Variants in PKMYT1 observed in about 807,000 individuals in gnomAD.
PKMYT1 encodes protein kinase, membrane associated tyrosine/threonine 1.
In PKMYT1, 35 loss-of-function variants were observed where a neutral mutation model predicts 49.7. The observed-to-expected ratio is 0.70, with a 90% CI of 0.54 to 0.93. The LOEUF (loss-of-function observed/expected upper bound fraction) is 0.93, where lower values mean the gene tolerates loss of function less well. PKMYT1 is among the 40% of genes least tolerant of loss of function. The probability of loss-of-function intolerance (pLI) is 0.00; values close to 1 mark genes in which losing one functional copy is unlikely to be tolerated. For missense variants in PKMYT1, 677 were observed against 673.1 expected (o/e 1.01, Z -0.06); for synonymous variants, 331 against 287.6 (o/e 1.15, Z -1.53).
intron 7 of PKMYT1, chr16:2,973,675 A>C (rs2151069180): frequency 2.2e-6 from 1 of 448,122 alleles, no homozygotes; most frequent in African/African-American, 2.0e-5. Flanking sequence ...GGCTCCCCAG[A>C]CTCCAGAGGC....
In PKMYT1 at chr16:2,979,766, GCAGCTTCCGGGGC is replaced by G; in HGVS notation, c.-122_-110del. 5 of 1,382,104 alleles carry G rather than the reference GCAGCTTCCGGGGC, an allele frequency of 3.6e-6. No homozygotes were observed. Among genetic ancestry groups the G allele is most frequent in the Non-Finnish European group, 5.1e-6 (5 of 984,890 alleles). The allele number at this position is 1,382,104 out of a possible 1,614,324, so 85.6% of individuals were successfully genotyped here. ...CTAAGGCCAGGCGGGGGTGACCTCC[GCAGCTTCCGGGGC>G]CCTGGGCGATCGGGCCGTCTCGCCT... On this transcript the variant is annotated 5_prime_UTR_variant, in exon 2 of 9. Coordinates refer to ENST00000262300, the MANE Select transcript of PKMYT1 (RefSeq NM_004203.5).
Position 2,979,541 on chromosome 16 carries a change from G to A in PKMYT1, c.10+107C>T. On this transcript the variant is annotated intron_variant, in intron 2 of 8. Transcript: ENST00000262300. ...GGAGCCAGGGTGTTGGGATCCTGGA[G>A]GTCACTGGTCACAAGCACAGCCTCC... is the stretch of plus-strand genomic sequence containing the variant. 3.4e-6 allele frequency: 3 copies of A among 876,548 alleles called. No homozygotes were observed. The Admixed American group carries it at 5.2e-5, about 15-fold the overall frequency. 54.3% of individuals were successfully genotyped at this position (876,548 alleles called of 1,614,324 possible).
chr16:2,975,452 A>AGCG lies in PKMYT1; in HGVS notation c.736_738dup (p.Arg246dup). 1 of 1,613,184 alleles carries AGCG rather than the reference A, an allele frequency of 6.2e-7. No individual in the cohort carries two copies. Among genetic ancestry groups the AGCG allele is most frequent in the East Asian group, 2.2e-5 (1 of 44,872 alleles). ...AGCAGTCCGAAGTCACCCAGCTTGCAGCGGCCCCGGGGCCCCAGGAAGATG... is the reference window on the plus strand; with the variant it reads ...AGCAGTCCGAAGTCACCCAGCTTGCAGCGGCGGCCCCGGGGCCCCAGGAAGATG... On this transcript the variant is annotated inframe_insertion, in exon 4 of 9. Transcript: ENST00000262300.
chr16:2,975,925 G>T, intron 3 of PKMYT1, 113 bp from the exon 4 acceptor site: 2 of 1,134,446 alleles, frequency 1.8e-6, no homozygotes, highest in Non-Finnish European at 2.5e-6. Flanking sequence ...GGGCACGGTG[G>T]TGTAGCTGGC....
Position 2,979,496 on chromosome 16 carries a change from C to T in PKMYT1, c.10+152G>A, listed in dbSNP as rs527960933. 20 of 674,772 alleles carry T rather than the reference C, an allele frequency of 3.0e-5. No individual in the cohort carries two copies. In the African/African-American group the frequency reaches 3.2e-4, roughly 11 times the overall value. The allele number at this position is 674,772 out of a possible 1,614,324, so 41.8% of individuals were successfully genotyped here. A position where few individuals can be genotyped will look rare whatever the true frequency, so the allele number is the denominator to read the frequency against. On this transcript the variant is annotated intron_variant, in intron 2 of 8. Coordinates refer to ENST00000262300, the MANE Select transcript of PKMYT1 (RefSeq NM_004203.5). ...GACTCTAACTACCTCAGAGTCCCAG[C>T]CCAGGGTTTCTCCAAGTCAGGAGCC...
In PKMYT1 at chr16:2,972,811, G is replaced by A. The variant is rs1180714042; in HGVS notation, c.*142C>T. On this transcript the variant is annotated 3_prime_UTR_variant, in exon 9 of 9. Transcript: ENST00000262300. ...CCATGTTGCCACATGAGCAAGCTTG[G>A]GTGCTCCCAAGGTTCAAATACTTTT... is the stretch of plus-strand genomic sequence containing the variant. The A allele has an allele frequency of 1.7e-5, 26 of 1,538,730 alleles. No individual in the cohort carries two copies. The highest frequency in any genetic ancestry group is 1.7e-4 in the Middle Eastern group (1 of 5,942).
At chr16:2,979,229 G>A (rs2072278955) in intron 2 of PKMYT1, among the ~76,000 whole-genome samples, 1 of 152,094 alleles carries the variant, frequency 6.6e-6, no homozygotes, top group African/African-American at 2.4e-5. Flanking sequence ...CAGCTACTCA[G>A]AGGCTGAGGC....
chr16:2,976,664 C>T lies in PKMYT1; in HGVS notation c.378G>A (p.Lys126=). The part of the protein sequence containing the change: ...LGHGSYGEVF[K]VRSKEDGRLY... Reference sequence around the variant, plus strand: ...GCCTAGAAGCCGTCCCCTCACTCACCTTGAAGACCTCTCCGTAGGAGCCAT... The same window carrying T: ...GCCTAGAAGCCGTCCCCTCACTCACTTTGAAGACCTCTCCGTAGGAGCCAT... The change falls in exon 3 of 9, where the codon AAG becomes AAA. Residue 126 remains lysine, a splice_region_variant and synonymous_variant. Coordinates refer to ENST00000262300, the MANE Select transcript of PKMYT1 (RefSeq NM_004203.5). 1.4e-6 allele frequency: 2 copies of T among 1,463,466 alleles called. No individual in the cohort carries two copies. The highest frequency in any genetic ancestry group is 2.4e-5 in the Admixed American group (1 of 41,156). The allele number at this position is 1,463,466 out of a possible 1,614,324, so 90.7% of individuals were successfully genotyped here.
At chr16:2,978,099 G>C (rs2072247714) in intron 2 of PKMYT1, among the ~76,000 whole-genome samples, 1 of 152,214 alleles carries the variant, frequency 6.6e-6, no homozygotes, top group South Asian at 2.1e-4. Context: ...AGCACTCAGA[G>C]AGGTGCCCCG....
rs1447219081 is a variant in PKMYT1, at chr16:2,975,758, A to ATGGTGAC, written c.426_432dup (p.Phe145ValfsTer57). ...CGGGCCCGGTCCTTGGGGCCCCGGA[A>ATGGTGAC]TGGTGACATGGAACGCTTTACCGCA... On this transcript the variant is annotated frameshift_variant, in exon 4 of 9. Transcript: ENST00000262300. LOFTEE classifies it high-confidence loss of function. The ATGGTGAC allele has an allele frequency of 4.4e-6, 7 of 1,600,536 alleles. No individual in the cohort carries two copies. Among genetic ancestry groups the ATGGTGAC allele is most frequent in the Non-Finnish European group, 5.9e-6 (7 of 1,179,832 alleles).
At position 2,974,343 on chromosome 16, in the gene PKMYT1, C is replaced by A; in HGVS notation, c.1054G>T (p.Ala352Ser). 1 of 1,609,320 alleles carries A rather than the reference C, an allele frequency of 6.2e-7. No individual in the cohort carries two copies. Among genetic ancestry groups the A allele is most frequent in the African/African-American group, 1.3e-5 (1 of 74,988 alleles). ...PDPKLRATAE[A>S]LLALPVLRQP... ...CTCAACACAGGCAGTGCCAGCAGGG[C>A]CTCGGCCGTGGCCCGCAGCTTGGGG... The change falls in exon 6 of 9, where the codon GCC becomes TCC. Residue 352 changes from alanine (A) to serine (S), a missense_variant. Physicochemically the swap from Ala to Ser is moderately conservative, Grantham distance 99. Coordinates refer to ENST00000262300, the MANE Select transcript of PKMYT1 (RefSeq NM_004203.5).
chr16:2,979,783 G>A lies in PKMYT1; in HGVS notation c.-126C>T. On this transcript the variant is annotated 5_prime_UTR_variant, in exon 2 of 9. Transcript: ENST00000262300. ...TGACCTCCGCAGCTTCCGGGGCCCT[G>A]GGCGATCGGGCCGTCTCGCCTCACC... The A allele has an allele frequency of 8.9e-7, 1 of 1,118,816 alleles. No homozygotes were observed. The highest frequency in any genetic ancestry group is 1.3e-6 in the Non-Finnish European group (1 of 757,086). 69.3% of individuals were successfully genotyped at this position (1,118,816 alleles called of 1,614,324 possible).
intron 2 of PKMYT1, among the ~76,000 whole-genome samples, chr16:2,978,513 T>C (rs2072257868): frequency 6.6e-6 from 1 of 152,112 alleles, no homozygotes. Context: ...TTTAGGAGGC[T>C]GAGGTGAGTA....
chr16:2,979,293 C>T (rs1331297666), intron 2 of PKMYT1, among the ~76,000 whole-genome samples: 7 of 152,140 alleles, frequency 4.6e-5, no homozygotes, highest in Admixed American at 3.3e-4. Context: ...GAGATTGCGG[C>T]ATTGCACTCC....
chr16:2,976,846 G>A lies in PKMYT1; in HGVS notation c.196C>T (p.Leu66Phe), dbSNP rs1306111201. The A allele has an allele frequency of 3.9e-6, 6 of 1,545,134 alleles. No individual in the cohort carries two copies. Among genetic ancestry groups the A allele is most frequent in the Non-Finnish European group, 5.2e-6 (6 of 1,144,042 alleles). The change falls in exon 3 of 9, where the codon CTC becomes TTC. Residue 66 changes from leucine (L) to phenylalanine (F), a missense_variant. Coordinates refer to ENST00000262300, the MANE Select transcript of PKMYT1 (RefSeq NM_004203.5). The stretch of plus-strand genomic sequence containing the variant: ...CAGCCTGGGGTCCGAGGAGGGAAGA[G>A]GCGGCTGATGGGAATGCTGCCCTTG... ...PAKGSIPISR[L>F]FPPRTPGWHQ...
chr16:2,977,447 C>T (rs1365891182), intron 2 of PKMYT1: 23 of 1,001,378 alleles, frequency 2.3e-5, no homozygotes, highest in East Asian at 1.0e-4. Flanking sequence ...AGTGAAAACC[C>T]GGAATCCCTC....
chr16:2,974,245 C>G lies in PKMYT1; in HGVS notation c.1152G>C (p.Gln384His). ...GCAGCCGCCACTGTCGGGAGCTTAC[C>G]TGCCACAGGGCCCACCCTCGGCTCA... ...EALSRGWALWQALLALLCWLW... is the reference protein window; with the variant it reads ...EALSRGWALWHALLALLCWLW... The change falls in exon 6 of 9, where the codon CAG becomes CAC. Residue 384 changes from glutamine to histidine, a missense_variant and splice_region_variant. Physicochemically the swap from Gln to His is conservative, Grantham distance 24. Transcript: ENST00000262300. 1 of 1,564,188 alleles carries G rather than the reference C, an allele frequency of 6.4e-7. No individual in the cohort carries two copies. The highest frequency in any genetic ancestry group is 8.7e-7 in the Non-Finnish European group (1 of 1,155,260).
chr16:2,975,463 G>A lies in PKMYT1; in HGVS notation c.728C>T (p.Pro243Leu), dbSNP rs2072163022. 6.2e-7 allele frequency: 1 copy of A among 1,613,116 alleles called. No individual in the cohort carries two copies. The highest frequency in any genetic ancestry group is 8.5e-7 in the Non-Finnish European group (1 of 1,179,978). The change falls in exon 4 of 9, where the codon CCC becomes CTC. Residue 243 changes from proline to leucine, a missense_variant. Coordinates refer to ENST00000262300, the MANE Select transcript of PKMYT1 (RefSeq NM_004203.5). Reference protein sequence around the residue: ...DVKPANIFLGPRGRCKLGDFG... With the variant: ...DVKPANIFLGLRGRCKLGDFG... ...GTCACCCAGCTTGCAGCGGCCCCGG[G>A]GCCCCAGGAAGATGTTGGCAGGCTT... is the stretch of plus-strand genomic sequence containing the variant.
At chr16:2,978,786 C>T (rs2072265984) in intron 2 of PKMYT1, among the ~76,000 whole-genome samples, 1 of 144,474 alleles carries the variant, frequency 6.9e-6, no homozygotes, top group African/African-American at 2.6e-5. Context: ...GACCGTGGAA[C>T]ACTTTATGCC....
Sources: allele counts gnomAD v4.1 joint callset (sites outside exome capture counted in the v4.1 genomes callset), GRCh38; gene constraint gnomAD v4.1.1; transcripts MANE v1.5; gene names NCBI Gene and HGNC (gene_info 2026-07-23, HGNC 2026-07-21).